Variants in FAR2 observed in about 807,000 individuals in gnomAD.
FAR2 encodes fatty acyl-CoA reductase 2, also known as epididymis secretory protein Li 81.
FAR2 carries 19 observed loss-of-function variants against 56.0 expected under a neutral mutation model. The observed-to-expected ratio is 0.34, with a 90% CI of 0.24 to 0.50. The LOEUF is 0.50. Ranked by LOEUF, FAR2 falls within the 20% of genes least tolerant of loss-of-function variation. The pLI, the probability that FAR2 is intolerant of heterozygous loss-of-function variation, is 0.98. For missense variants in FAR2, 508 were observed against 642.2 expected, an observed-to-expected ratio of 0.79 and a Z score of 2.26; for synonymous variants, 219 against 218.8, an observed-to-expected ratio of 1.00 and a Z score of -0.01.
chr12:29,208,790 T>C (rs1034348214), intron 1 of FAR2, among the ~76,000 whole-genome samples: 2 of 152,188 alleles, frequency 1.3e-5, no homozygotes, highest in Non-Finnish European at 2.9e-5. Context: ...AAGGAAATCA[T>C]TGTGTGCACT....
chr12:29,311,666 T>TCTCACACACACACACACACA (rs1555123662), intron 7 of FAR2, among the ~76,000 whole-genome samples: 2 of 147,426 alleles, frequency 1.4e-5, no homozygotes, highest in East Asian at 2.0e-4. Flanking sequence ...AACATCTCTT[T>TCTCACACACACACACACACA]CACACACACA....
At chr12:29,156,560 A>T (rs1320273611) in intron 1 of FAR2, 3 of 152,188 alleles carry the variant, frequency 2.0e-5, no homozygotes, top group Non-Finnish European at 4.4e-5. Flanking sequence ...AATATAACTT[A>T]ACTGTTTTAT....
At chr12:29,319,442 A>T (rs2136808311) in intron 9 of FAR2, among the ~76,000 whole-genome samples, 1 of 152,196 alleles carries the variant, frequency 6.6e-6, no homozygotes, top group East Asian at 1.9e-4. Context: ...ACTTTCATTC[A>T]TTTATTGGAC....
In FAR2 at chr12:29,284,831, TTTTG is replaced by T. The variant is rs71042977; in HGVS notation, c.190-8445_190-8442del. On this transcript the variant is annotated intron_variant, in intron 2 of 11. Transcript: ENST00000536681. ...GAAGCACACAGTAGAAGCATTACTG[TTTTG>T]TTTGTTTGTTTGTTTGTTTGTTTTG... Among the ~76,000 whole-genome samples, 823 of 149,738 alleles carry T rather than the reference TTTTG, an allele frequency of 5.5e-3. 3 individuals carry two copies. The highest frequency in any genetic ancestry group is 9.0e-3 in the Non-Finnish European group (608 of 67,212).
At chr12:29,172,716 G>A (rs1289687669) in intron 1 of FAR2, among the ~76,000 whole-genome samples, 3 of 152,226 alleles carry the variant, frequency 2.0e-5, no homozygotes, top group Non-Finnish European at 4.4e-5. Context: ...TGAGTCAGGT[G>A]ACAGGGGAGT....
chr12:29,162,984 A>G (rs541643466), intron 1 of FAR2, among the ~76,000 whole-genome samples: 2 of 152,220 alleles, frequency 1.3e-5, no homozygotes, highest in South Asian at 2.1e-4. Flanking sequence ...GGCATTTGCA[A>G]TCCAGTGGAG....
At chr12:29,270,334 C>T in intron 1 of FAR2, 78 bp from the exon 2 acceptor site, 2 of 1,139,096 alleles carry the variant, frequency 1.8e-6, no homozygotes, top group Non-Finnish European at 1.2e-6. Context: ...CTCTTGGAAG[C>T]AACAGAAACA....
At position 29,172,666 on chromosome 12, in the gene FAR2, G is replaced by A. The variant is rs150301619; in HGVS notation, c.-39+23259G>A. ...TTTCTCCTGATATATGCAGCTGATT[G>A]GGTAATAAACTTATCTTTTAGGACC... is the stretch of plus-strand genomic sequence containing the variant. On this transcript the variant is annotated intron_variant, in intron 1 of 11. Coordinates refer to ENST00000536681, the MANE Select transcript of FAR2 (RefSeq NM_001271783.2). Among the ~76,000 whole-genome samples the A allele has an allele frequency of 6.6e-3, 1,003 of 152,268 alleles. 10 individuals are homozygous for A. The highest frequency in any genetic ancestry group is 0.023 in the African/African-American group (961 of 41,556).
At chr12:29,226,391 G>T (rs1947769179) in intron 1 of FAR2, among the ~76,000 whole-genome samples, 1 of 152,102 alleles carries the variant, frequency 6.6e-6, no homozygotes, top group Non-Finnish European at 1.5e-5. Flanking sequence ...TTGAACTCTT[G>T]TACTTTTCAT....
intron 1 of FAR2, among the ~76,000 whole-genome samples, chr12:29,246,276 T>C (rs1347239440): frequency 6.6e-6 from 1 of 152,158 alleles, no homozygotes; most frequent in Non-Finnish European, 1.5e-5. Context: ...GTTTCAACTT[T>C]TAACACTGGA....
rs1202898944 is a variant in FAR2 at position 29,334,497 on chromosome 12, T to C, written c.*703T>C. The C allele has an allele frequency of 6.6e-6, 1 of 152,162 alleles. No homozygotes were observed. Among genetic ancestry groups the C allele is most frequent in the Non-Finnish European group, 1.5e-5 (1 of 68,012 alleles). 9.4% of individuals were successfully genotyped at this position (152,162 alleles called of 1,614,324 possible). ...TTATGCTTTTAAGTCAAAATTAATA[T>C]TCTCAAATTCGAATTTGATAGCTAT... On this transcript the variant is annotated 3_prime_UTR_variant, in exon 12 of 12. Coordinates refer to ENST00000536681, the MANE Select transcript of FAR2 (RefSeq NM_001271783.2).
At chr12:29,235,894 C>A (rs756944334) in intron 1 of FAR2, among the ~76,000 whole-genome samples, 23 of 151,982 alleles carry the variant, frequency 1.5e-4, no homozygotes, top group Non-Finnish European at 3.1e-4. Flanking sequence ...AAATACAAAA[C>A]CTAGGGGAGG....
intron 1 of FAR2, among the ~76,000 whole-genome samples, chr12:29,237,364 A>G (rs1174797178): frequency 6.6e-6 from 1 of 152,218 alleles, no homozygotes; most frequent in Non-Finnish European, 1.5e-5. Flanking sequence ...GGGTCAAAAT[A>G]CCATGAATTG....
chr12:29,293,574 A>G, intron 3 of FAR2, 99 bp downstream of exon 3: 5 of 1,134,566 alleles, frequency 4.4e-6, no homozygotes, highest in African/African-American at 3.2e-5. Flanking sequence ...CTAAACAAAA[A>G]AGACATACAA....
chr12:29,290,266 C>T (rs139744583), intron 2 of FAR2, among the ~76,000 whole-genome samples: 2,943 of 151,914 alleles, frequency 0.019, 38 homozygotes, highest in Non-Finnish European at 0.033. Flanking sequence ...GCCAACGTAG[C>T]GAAACCCCAT....
At chr12:29,174,045 C>T (rs1156809014) in intron 1 of FAR2, among the ~76,000 whole-genome samples, 1 of 152,136 alleles carries the variant, frequency 6.6e-6, no homozygotes, top group Non-Finnish European at 1.5e-5. Context: ...TGGGACTTTA[C>T]CCCTGTCCTG....
At chr12:29,150,588 G>GGTT (rs367727596) in intron 1 of FAR2, among the ~76,000 whole-genome samples, 169 of 152,304 alleles carry the variant, frequency 1.1e-3, no homozygotes, top group African/African-American at 3.8e-3. Flanking sequence ...ATTTAGAAAG[G>GGTT]GGGGCAAGGG....
At chr12:29,177,608 G>A (rs2136594017) in intron 1 of FAR2, among the ~76,000 whole-genome samples, 1 of 151,880 alleles carries the variant, frequency 6.6e-6, no homozygotes, top group African/African-American at 2.4e-5. Context: ...AATGGGTAGT[G>A]GGTTGAAAAA....
chr12:29,331,405 T>G (rs747299109), intron 10 of FAR2: 1 of 152,088 alleles, frequency 6.6e-6, no homozygotes, highest in Non-Finnish European at 1.5e-5. Context: ...TCTCTCCAAA[T>G]ACATGAAATA....
Sources: gnomAD v4.1 joint callset for allele counts (sites outside exome capture counted in the v4.1 genomes callset) on GRCh38, gnomAD v4.1.1 for gene constraint, MANE v1.5 for transcripts, NCBI Gene and HGNC (gene_info 2026-07-23, HGNC 2026-07-21) for gene names.